The following ATF6 variants were observed in gnomAD, a reference collection of about 807,000 sequenced individuals.
The protein encoded by ATF6 is cyclic AMP-dependent transcription factor ATF-6 alpha.
A neutral mutation model predicts 83.6 loss-of-function variants in ATF6; 53 were observed. The observed-to-expected ratio is 0.63, with a 90% CI of 0.51 to 0.80. The LOEUF is 0.80. ATF6 is among the 30% of genes least tolerant of loss of function. The probability of loss-of-function intolerance (pLI) is 0.00; values close to 1 mark genes in which losing one functional copy is unlikely to be tolerated. For missense variants in ATF6, 744 were observed against 797.9 expected (o/e 0.93, Z 0.81); for synonymous variants, 288 against 285.8 (o/e 1.01, Z -0.08).
chr1:161,872,689 C>T (rs1287267253), intron 14 of ATF6, among the ~76,000 whole-genome samples: 1 of 151,452 alleles, frequency 6.6e-6, no homozygotes, highest in Non-Finnish European at 1.5e-5. Context: ...GAAAGAAACT[C>T]ATTTGTCTTG....
chr1:161,814,648 A>C (rs1685565433), intron 7 of ATF6, among the ~76,000 whole-genome samples: 1 of 152,236 alleles, frequency 6.6e-6, no homozygotes, highest in Non-Finnish European at 1.5e-5. Flanking sequence ...ACAAAACTTA[A>C]TAGAAAGAGT....
intron 7 of ATF6, among the ~76,000 whole-genome samples, chr1:161,810,845 G>A (rs903111325): frequency 8.5e-5 from 13 of 152,052 alleles, no homozygotes; most frequent in African/African-American, 3.1e-4. Context: ...TTTCATATGA[G>A]TGGAATCATA....
At chr1:161,882,167 T>C (rs1303103250) in intron 14 of ATF6, among the ~76,000 whole-genome samples, 1 of 152,142 alleles carries the variant, frequency 6.6e-6, no homozygotes, top group Non-Finnish European at 1.5e-5. Flanking sequence ...TATCCTATGA[T>C]TGAACTTCTT....
intron 14 of ATF6, among the ~76,000 whole-genome samples, chr1:161,895,549 T>A (rs1006220382): frequency 6.6e-6 from 1 of 152,194 alleles, no homozygotes; most frequent in Non-Finnish European, 1.5e-5. Context: ...AAGGCTCTGT[T>A]TCCTAATTGT....
chr1:161,812,784 CTGTGTGTGTGTGTG>C (rs4040222), intron 7 of ATF6, among the ~76,000 whole-genome samples: 3 of 145,326 alleles, frequency 2.1e-5, no homozygotes, highest in Admixed American at 6.8e-5. Flanking sequence ...TTTGCCTCCT[CTGTGTGTGTGTGTG>C]TGTGTGTGTG....
At chr1:161,830,959 A>C (rs1036019907) in intron 9 of ATF6, among the ~76,000 whole-genome samples, 8 of 152,060 alleles carry the variant, frequency 5.3e-5, no homozygotes, top group African/African-American at 1.7e-4. Flanking sequence ...GGATCTAATT[A>C]AACTAAAGAG....
At chr1:161,938,788 C>G (rs997616640) in intron 15 of ATF6, among the ~76,000 whole-genome samples, 1 of 152,164 alleles carries the variant, frequency 6.6e-6, no homozygotes, top group South Asian at 2.1e-4. Context: ...GAGAGAATTA[C>G]TCCTTTATAA....
chr1:161,903,504 G>T (rs1457507904), intron 14 of ATF6, among the ~76,000 whole-genome samples: 4 of 152,214 alleles, frequency 2.6e-5, no homozygotes, highest in Non-Finnish European at 5.9e-5. Flanking sequence ...GTGGTTGAGG[G>T]AATAAACTTA....
chr1:161,910,608 A>C (rs909731030), intron 14 of ATF6, among the ~76,000 whole-genome samples: 1 of 152,176 alleles, frequency 6.6e-6, no homozygotes, highest in African/African-American at 2.4e-5. Flanking sequence ...AGTGGAATCT[A>C]AGTTTGTTTA....
chr1:161,845,241 C>T (rs188782330), intron 9 of ATF6, among the ~76,000 whole-genome samples: 29 of 152,256 alleles, frequency 1.9e-4, no homozygotes, highest in African/African-American at 6.7e-4. Context: ...CTCAAAGAAC[C>T]GCTTTTCCTT....
chr1:161,935,380 A>C (rs1688517064), intron 15 of ATF6, among the ~76,000 whole-genome samples: 1 of 152,172 alleles, frequency 6.6e-6, no homozygotes, highest in African/African-American at 2.4e-5. Context: ...GGCCCTGGAG[A>C]GCTTCCTCAC....
At chr1:161,836,588 C>A (rs1233564786) in intron 9 of ATF6, among the ~76,000 whole-genome samples, 1 of 152,174 alleles carries the variant, frequency 6.6e-6, no homozygotes, top group African/African-American at 2.4e-5. Flanking sequence ...TGTGTCTACA[C>A]AAAGTAATTG....
At chr1:161,904,235 CCAAA>C (rs1027957130) in intron 14 of ATF6, among the ~76,000 whole-genome samples, 3 of 152,108 alleles carry the variant, frequency 2.0e-5, no homozygotes, top group Non-Finnish European at 4.4e-5. Context: ...CAATACTTGA[CCAAA>C]CAATTTAAAA....
chr1:161,818,092 C>T (rs961491947), intron 7 of ATF6, among the ~76,000 whole-genome samples: 20 of 141,314 alleles, frequency 1.4e-4, no homozygotes. Context: ...CAGAGCAAGA[C>T]TCCATCTCAA....
At chr1:161,791,342 T>A (rs1474592434) in intron 4 of ATF6, 66 bp from the exon 5 acceptor site, 18 of 1,442,716 alleles carry the variant, frequency 1.2e-5, no homozygotes, top group Non-Finnish European at 1.6e-5. Flanking sequence ...GTGGGTCTCC[T>A]CCTTTTCTAT....
intron 14 of ATF6, among the ~76,000 whole-genome samples, chr1:161,873,034 C>A (rs1687149577): frequency 6.6e-6 from 1 of 151,448 alleles, no homozygotes; most frequent in African/African-American, 2.4e-5. Flanking sequence ...TGTTCCTCCT[C>A]TGTATTGTTT....
At position 161,841,247 on chromosome 1, in the gene ATF6, G is replaced by A. The variant is rs562198661; in HGVS notation, c.1188-5202G>A. On this transcript the variant is annotated intron_variant, in intron 9 of 15. Coordinates refer to ENST00000367942, the MANE Select transcript of ATF6 (RefSeq NM_007348.4). Reference sequence around the variant, plus strand: ...TAAAACAATCTTGAATTCTGGCAGCGAAATGAAGTTCTTACCTGTCTTTCA... The same window carrying A: ...TAAAACAATCTTGAATTCTGGCAGCAAAATGAAGTTCTTACCTGTCTTTCA... Among the ~76,000 whole-genome samples the A allele has an allele frequency of 2.8e-4, 43 of 152,240 alleles. 2 individuals are homozygous for A. The South Asian group carries it at 8.3e-3, about 29-fold the overall frequency.
chr1:161,882,861 T>A (rs1157859902), intron 14 of ATF6, among the ~76,000 whole-genome samples: 1 of 151,882 alleles, frequency 6.6e-6, no homozygotes, highest in African/African-American at 2.4e-5. Flanking sequence ...ATAAGTTAAG[T>A]ACTGGCACAG....
Position 161,961,259 on chromosome 1 carries a change from C to A in ATF6, c.*2605C>A. The A allele has an allele frequency of 6.6e-6, 1 of 152,284 alleles. No homozygotes were observed. The highest frequency in any genetic ancestry group is 1.5e-5 in the Non-Finnish European group (1 of 68,090). The allele number at this position is 152,284 out of a possible 1,614,324, so 9.4% of individuals were successfully genotyped here. ...GTGGTAGCAGGGCCGGCAGCTCTGC[C>A]ACAGAGCTAGGGGTGCCTGTAAGGT... On this transcript the variant is annotated 3_prime_UTR_variant, in exon 16 of 16. Transcript: ENST00000367942.
Sources: allele counts gnomAD v4.1 joint callset (sites outside exome capture counted in the v4.1 genomes callset), GRCh38; gene constraint gnomAD v4.1.1; transcripts MANE v1.5; gene names NCBI Gene and HGNC (gene_info 2026-07-23, HGNC 2026-07-21).